NAA16: variants seen among roughly 807,000 people sequenced by gnomAD.
NAA16 encodes the protein NARG1-like protein.
NAA16 carries 97 observed loss-of-function variants against 110.3 expected under a neutral mutation model. That is an observed-to-expected ratio of 0.88 (90% CI 0.75 to 1.04). The LOEUF (loss-of-function observed/expected upper bound fraction) is 1.04, where lower values mean the gene tolerates loss of function less well. Among genes scored for constraint, NAA16 ranks in the 50% least tolerant of loss-of-function variants. The pLI is 0.00. For synonymous variants in NAA16, 372 were observed against 330.6 expected (o/e 1.13, Z -1.36); for missense variants, 1,017 against 1,005.1 (o/e 1.01, Z -0.16).
At chr13:41,325,343 G>T (rs1309785444) in intron 5 of NAA16, among the ~76,000 whole-genome samples, 2 of 151,822 alleles carry the variant, frequency 1.3e-5, no homozygotes, top group Admixed American at 1.3e-4. Context: ...TATCTCCAAG[G>T]TATACCTGTA....
intron 1 of NAA16, among the ~76,000 whole-genome samples, chr13:41,312,939 T>G (rs2041678393): frequency 6.6e-6 from 1 of 152,220 alleles, no homozygotes; most frequent in Admixed American, 6.5e-5. Context: ...CCTTTTATTT[T>G]ACACAGCATG....
chr13:41,323,443 C>G (rs936261054), intron 5 of NAA16, among the ~76,000 whole-genome samples: 1 of 151,218 alleles, frequency 6.6e-6, no homozygotes, highest in Non-Finnish European at 1.5e-5. Flanking sequence ...CTCTGCCTCC[C>G]GGGTTCAAGC....
intron 8 of NAA16, among the ~76,000 whole-genome samples, chr13:41,334,116 T>C (rs2042313886): frequency 6.6e-6 from 1 of 152,182 alleles, no homozygotes. Flanking sequence ...TGTCTAGAAG[T>C]GCTTTTATGT....
rs1405424164 is a variant in NAA16 at position 41,363,202 on chromosome 13, T to G, written c.1539+1043T>G. ...AGTTTAAATCAGGCTCTTGTTTCCTTCATAAAACCACAGATCACTAGCTTG... is the reference window on the plus strand; with the variant it reads ...AGTTTAAATCAGGCTCTTGTTTCCTGCATAAAACCACAGATCACTAGCTTG... On this transcript the variant is annotated intron_variant, in intron 13 of 19. Coordinates refer to ENST00000379406, the MANE Select transcript of NAA16 (RefSeq NM_024561.5). Among the ~76,000 whole-genome samples, 3 of 152,132 alleles carry G rather than the reference T, an allele frequency of 2.0e-5. No homozygotes were observed. In the East Asian group the frequency reaches 5.8e-4, roughly 29 times the overall value.
chr13:41,371,073 G>A (rs2043306959), intron 15 of NAA16, among the ~76,000 whole-genome samples: 1 of 152,182 alleles, frequency 6.6e-6, no homozygotes, highest in Non-Finnish European at 1.5e-5. Flanking sequence ...AGTGGAGAAT[G>A]GCGGTAAAGG....
Position 41,337,530 on chromosome 13 carries a change from G to A in NAA16, c.1014+774G>A, listed in dbSNP as rs185877678. ...TGCACTCCAGCCTGAGTGACAGAGC[G>A]AGACTCCGTCTCAAAAAAAAAAAAA... On this transcript the variant is annotated intron_variant, in intron 9 of 19. Coordinates refer to ENST00000379406, the MANE Select transcript of NAA16 (RefSeq NM_024561.5). Among the ~76,000 whole-genome samples, 346 of 123,296 alleles carry A rather than the reference G, an allele frequency of 2.8e-3. 2 individuals are homozygous for A. The highest frequency in any genetic ancestry group is 0.011 in the African/African-American group (327 of 31,116). The allele number at this position is 123,296 out of a possible 152,430, so 80.9% of individuals were successfully genotyped here.
At chr13:41,324,577 T>C (rs1347313841) in intron 5 of NAA16, among the ~76,000 whole-genome samples, 3 of 151,904 alleles carry the variant, frequency 2.0e-5, no homozygotes, top group East Asian at 3.9e-4. Context: ...GGTTTCATCA[T>C]GTTGGCCAGG....
intron 11 of NAA16, 83 bp from the exon 12 acceptor site, chr13:41,358,727 T>C: frequency 6.7e-7 from 1 of 1,488,440 alleles, no homozygotes; most frequent in Non-Finnish European, 8.9e-7. Context: ...GATTTCTTTT[T>C]TGTCTGTGTA....
At chr13:41,352,157 C>G (rs1451251650) in intron 9 of NAA16, among the ~76,000 whole-genome samples, 3 of 152,104 alleles carry the variant, frequency 2.0e-5, no homozygotes, top group Admixed American at 2.0e-4. Flanking sequence ...GCCCGGGCAA[C>G]AGGGCAAAAC....
intron 1 of NAA16, 50 bp from the exon 2 acceptor site, chr13:41,316,796 C>T: frequency 1.6e-6 from 2 of 1,237,036 alleles, no homozygotes; most frequent in Non-Finnish European, 2.4e-6. Context: ...AGAAGTTGCT[C>T]CATTATGTAT....
At chr13:41,311,850 T>C (rs535693430) in intron 1 of NAA16, among the ~76,000 whole-genome samples, 5 of 152,292 alleles carry the variant, frequency 3.3e-5, no homozygotes, top group African/African-American at 1.2e-4. Flanking sequence ...CACGCCGCTC[T>C]CCGCAGTGCC....
At chr13:41,373,576 G>T (rs1235857015) in intron 17 of NAA16, 61 bp from the exon 18 acceptor site, 111 of 1,210,846 alleles carry the variant, frequency 9.2e-5, no homozygotes, top group Non-Finnish European at 1.2e-4. Flanking sequence ...TTTTCAGTAG[G>T]TTTTTTTTTT....
chr13:41,363,881 T>A (rs1306743831), intron 13 of NAA16, among the ~76,000 whole-genome samples: 11 of 152,116 alleles, frequency 7.2e-5, no homozygotes, highest in Non-Finnish European at 8.8e-5. Flanking sequence ...TAGTCTTCAG[T>A]GAATATATCT....
At chr13:41,340,647 GTTTTTTTTTTTTTTTTTTTTTT>G (rs754237653) in intron 9 of NAA16, among the ~76,000 whole-genome samples, 10 of 43,598 alleles carry the variant, frequency 2.3e-4, no homozygotes, top group East Asian at 1.4e-3. Context: ...TTTTGAGTGA[GTTTTTTTTTTTTTTTTTTTTTT>G]TTTTTTTTTT....
intron 9 of NAA16, among the ~76,000 whole-genome samples, chr13:41,346,956 C>T (rs971057557): frequency 3.0e-4 from 45 of 152,096 alleles, no homozygotes; most frequent in Non-Finnish European, 7.4e-5. Flanking sequence ...CGGTGGCTCA[C>T]GCCTGTAATC....
chr13:41,365,753 T>TG (rs2139508910), intron 13 of NAA16, among the ~76,000 whole-genome samples: 1 of 152,320 alleles, frequency 6.6e-6, no homozygotes, highest in African/African-American at 2.4e-5. Flanking sequence ...AGGCAGCCTA[T>TG]GGGCTGTTAC....
intron 9 of NAA16, among the ~76,000 whole-genome samples, chr13:41,340,429 C>G: frequency 6.6e-6 from 1 of 152,062 alleles, no homozygotes; most frequent in Admixed American, 6.5e-5. Flanking sequence ...GTTAAGGTGT[C>G]GATTTTAGAT....
rs756251682 is a variant in NAA16, at chr13:41,362,178, G to A, written c.1539+19G>A. On this transcript the variant is annotated intron_variant, in intron 13 of 19. Transcript: ENST00000379406. Reference sequence around the variant, plus strand: ...AGAAAGGGTAAGTTGTTAGAATTTCGACTTCAGTTTTCACTGTAAGGTGAT... The same window carrying A: ...AGAAAGGGTAAGTTGTTAGAATTTCAACTTCAGTTTTCACTGTAAGGTGAT... 5.1e-6 allele frequency: 8 copies of A among 1,581,794 alleles called. No homozygotes were observed. The highest frequency in any genetic ancestry group is 6.8e-6 in the Non-Finnish European group (8 of 1,168,098).
intron 13 of NAA16, among the ~76,000 whole-genome samples, chr13:41,367,103 G>A (rs1368444753): frequency 6.6e-6 from 1 of 151,986 alleles, no homozygotes; most frequent in Non-Finnish European, 1.5e-5. Context: ...TGGTTTTTAG[G>A]GAATATGGAG....
Sources: allele counts gnomAD v4.1 joint callset (sites outside exome capture counted in the v4.1 genomes callset), GRCh38; gene constraint gnomAD v4.1.1; transcripts MANE v1.5; gene names NCBI Gene and HGNC (gene_info 2026-07-23, HGNC 2026-07-21).